TADA1: variants seen among roughly 807,000 people sequenced by gnomAD.
TADA1 encodes transcriptional adaptor 1.
TADA1 carries 23 observed loss-of-function variants against 39.3 expected under a neutral mutation model. That is an observed-to-expected ratio of 0.58 (90% CI 0.42 to 0.83). TADA1 has a LOEUF of 0.83. TADA1 is among the 40% of genes least tolerant of loss of function. The pLI is 0.00. For synonymous variants in TADA1, 137 were observed against 151.8 expected (o/e 0.90, Z 0.72); for missense variants, 352 against 408.1 (o/e 0.86, Z 1.18).
rs1474318791 is a variant in TADA1 at position 166,856,519 on chromosome 1, A to C, written c.*1048T>G. 2 of 152,576 alleles carry C rather than the reference A, an allele frequency of 1.3e-5. No homozygotes were observed. The highest frequency in any genetic ancestry group is 2.9e-5 in the Non-Finnish European group (2 of 68,030). 9.5% of individuals were successfully genotyped at this position (152,576 alleles called of 1,614,324 possible). ...TTAATAAACAACAAAGTTTTCTCCC[A>C]AAAGGTTTATTTGTCACATTTAAAG... On this transcript the variant is annotated 3_prime_UTR_variant, in exon 8 of 8. Transcript: ENST00000367874.
Position 166,869,521 on chromosome 1 carries a change from A to T in TADA1, c.167-11T>A, listed in dbSNP as rs1368990479. ...CATTGTGAGAATGGACTGAAAAAGGAAAGATAGTGACAATCAAATTCAAAA... is the reference window on the plus strand; with the variant it reads ...CATTGTGAGAATGGACTGAAAAAGGTAAGATAGTGACAATCAAATTCAAAA... On this transcript the variant is annotated splice_polypyrimidine_tract_variant and intron_variant, in intron 2 of 7. Transcript: ENST00000367874. 2 of 1,612,830 alleles carry T rather than the reference A, an allele frequency of 1.2e-6. No individual in the cohort carries two copies. The highest frequency in any genetic ancestry group is 1.7e-6 in the Non-Finnish European group (2 of 1,179,114).
intron 1 of TADA1, among the ~76,000 whole-genome samples, 181 bp downstream of exon 1, chr1:166,875,979 A>G (rs1295154428): frequency 6.6e-6 from 1 of 152,066 alleles, no homozygotes; most frequent in African/African-American, 2.4e-5. Context: ...CGGTCTCTCC[A>G]GGGCGGTGAG....
intron 1 of TADA1, among the ~76,000 whole-genome samples, chr1:166,870,548 G>A (rs1658633003): frequency 6.6e-6 from 1 of 152,296 alleles, no homozygotes; most frequent in East Asian, 1.9e-4. Context: ...AAGGGGACTC[G>A]CCGGTACGGT....
intron 3 of TADA1, among the ~76,000 whole-genome samples, chr1:166,866,459 A>C (rs1658537448): frequency 6.6e-6 from 1 of 152,162 alleles, no homozygotes; most frequent in East Asian, 1.9e-4. Context: ...ATCTTTCCTG[A>C]CTAGCTTAGA....
intron 1 of TADA1, among the ~76,000 whole-genome samples, 177 bp from the exon 2 acceptor site, chr1:166,870,031 G>A (rs1334143938): frequency 6.6e-6 from 1 of 152,052 alleles, no homozygotes; most frequent in Non-Finnish European, 1.5e-5. Flanking sequence ...TCAGCCCCCT[G>A]AGTAGCTGGG....
intron 3 of TADA1, among the ~76,000 whole-genome samples, chr1:166,867,352 T>C (rs1385095455): frequency 1.3e-5 from 2 of 152,234 alleles, no homozygotes; most frequent in Non-Finnish European, 2.9e-5. Flanking sequence ...AAATAGATTA[T>C]GATTTAACTT....
intron 3 of TADA1, among the ~76,000 whole-genome samples, chr1:166,866,152 T>C (rs1045093543): frequency 1.3e-5 from 2 of 152,208 alleles, no homozygotes; most frequent in Admixed American, 6.5e-5. Flanking sequence ...GCCTGCAAAC[T>C]CACAGCTTAC....
At chr1:166,862,709 G>T in intron 4 of TADA1, 1 of 403,442 alleles carries the variant, frequency 2.5e-6, no homozygotes, top group Non-Finnish European at 4.5e-6. Context: ...ATAACTGAAA[G>T]AGAAGGAGAA....
At chr1:166,865,628 A>G (rs1658512302) in intron 3 of TADA1, among the ~76,000 whole-genome samples, 1 of 152,004 alleles carries the variant, frequency 6.6e-6, no homozygotes, top group Non-Finnish European at 1.5e-5. Flanking sequence ...CCTGGCTAAC[A>G]TGGTGAAACC....
chr1:166,857,434 A>G lies in TADA1; in HGVS notation c.*133T>C. 1 of 994,008 alleles carries G rather than the reference A, an allele frequency of 1.0e-6. No homozygotes were observed. The highest frequency in any genetic ancestry group is 1.7e-5 in the South Asian group (1 of 58,282). The allele number at this position is 994,008 out of a possible 1,614,324, so 61.6% of individuals were successfully genotyped here. On this transcript the variant is annotated 3_prime_UTR_variant, in exon 8 of 8. Coordinates refer to ENST00000367874, the MANE Select transcript of TADA1 (RefSeq NM_053053.4). The stretch of plus-strand genomic sequence containing the variant: ...GCTTCACAACAGCAACACAAAATGT[A>G]CTCAATGTCACATTTCCATAGGAAA...
At position 166,860,280 on chromosome 1, in the gene TADA1, G is replaced by C; in HGVS notation, c.598C>G (p.Arg200Gly). Reference protein sequence around the residue: ...VVSRRKAYRLRDGHFKYAFGS... With the variant: ...VVSRRKAYRLGDGHFKYAFGS... Reference sequence around the variant, plus strand: ...AAGGCATATTTAAAATGACCATCTCGTAACCGATAAGCTTTCCTTCTTGAC... The same window carrying C: ...AAGGCATATTTAAAATGACCATCTCCTAACCGATAAGCTTTCCTTCTTGAC... The change falls in exon 6 of 8, where the codon CGA (arginine) becomes GGA (glycine). Residue 200 changes from arginine to glycine, a missense_variant. Transcript: ENST00000367874. The C allele has an allele frequency of 1.9e-6, 3 of 1,613,958 alleles. No homozygotes were observed. The highest frequency in any genetic ancestry group is 2.5e-6 in the Non-Finnish European group (3 of 1,179,950).
intron 6 of TADA1, 117 bp from the exon 7 acceptor site, chr1:166,858,398 A>C: frequency 2.8e-6 from 2 of 714,614 alleles, no homozygotes; most frequent in Non-Finnish European, 4.4e-6. Flanking sequence ...AATCCATTCA[A>C]TGTCTACTCC....
At chr1:166,858,345 G>T in intron 6 of TADA1, 64 bp from the exon 7 acceptor site, 1 of 1,270,266 alleles carries the variant, frequency 7.9e-7, no homozygotes, top group Non-Finnish European at 1.1e-6. Context: ...GGACAGGAGT[G>T]GCCTGCTAGA....
intron 1 of TADA1, 146 bp from the exon 2 acceptor site, chr1:166,870,000 G>T: frequency 1.6e-6 from 1 of 641,110 alleles, no homozygotes. Context: ...TGAACTTCTG[G>T]CTTTAAGCTA....
At chr1:166,874,651 G>A in intron 1 of TADA1, among the ~76,000 whole-genome samples, 1 of 152,010 alleles carries the variant, frequency 6.6e-6, no homozygotes, top group East Asian at 1.9e-4. Context: ...GATTAGCGGG[G>A]CGTGCCTACA....
At chr1:166,876,077 G>T in intron 1 of TADA1, 83 bp downstream of exon 1, 1 of 1,359,834 alleles carries the variant, frequency 7.4e-7, no homozygotes, top group Non-Finnish European at 9.9e-7. Flanking sequence ...GGGCGACGCG[G>T]GCGTCTCCGG....
chr1:166,861,119 A>G (rs570492956), intron 5 of TADA1, among the ~76,000 whole-genome samples: 3 of 152,314 alleles, frequency 2.0e-5, no homozygotes, highest in Admixed American at 6.5e-5. Context: ...TAAGCACAAA[A>G]TAAATTAGGT....
chr1:166,860,908 A>C (rs1361570784), intron 5 of TADA1, among the ~76,000 whole-genome samples: 1 of 152,158 alleles, frequency 6.6e-6, no homozygotes, highest in Admixed American at 6.5e-5. Context: ...ACCTCAGGTG[A>C]CCCGCCCATC....
chr1:166,875,966 G>A (rs1368376560), intron 1 of TADA1, among the ~76,000 whole-genome samples, 194 bp downstream of exon 1: 1 of 152,146 alleles, frequency 6.6e-6, no homozygotes, highest in African/African-American at 2.4e-5. Flanking sequence ...CGCCCAGGAG[G>A]CCCGGTCTCT....
Sources: allele counts gnomAD v4.1 joint callset (sites outside exome capture counted in the v4.1 genomes callset), GRCh38; gene constraint gnomAD v4.1.1; transcripts MANE v1.5; gene names NCBI Gene and HGNC (gene_info 2026-07-23, HGNC 2026-07-21).